RAPH1: variants seen among roughly 807,000 people sequenced by gnomAD.
The protein encoded by RAPH1 is Ras association (RalGDS/AF-6) and pleckstrin homology domains 1.
RAPH1 carries 18 observed loss-of-function variants against 88.1 expected under a neutral mutation model. The ratio of observed to expected loss-of-function variants is 0.20; its 90% CI spans 0.14 to 0.30. The LOEUF is 0.30. Among genes scored for constraint, RAPH1 ranks in the 10% least tolerant of loss-of-function variants. The probability of loss-of-function intolerance (pLI) is 1.00; values close to 1 mark genes in which losing one functional copy is unlikely to be tolerated. For synonymous variants in RAPH1, 587 were observed against 559.0 expected (o/e 1.05, Z -0.71); for missense variants, 1,448 against 1,543.2 (o/e 0.94, Z 1.03).
intron 4 of RAPH1, among the ~76,000 whole-genome samples, chr2:203,475,974 G>A (rs1451009122): frequency 2.0e-5 from 3 of 151,956 alleles, no homozygotes; most frequent in Admixed American, 2.0e-4. Flanking sequence ...TATGTAAGTA[G>A]GTTATATTAT....
intron 1 of RAPH1, among the ~76,000 whole-genome samples, chr2:203,510,721 TAA>T (rs1689299083): frequency 6.6e-6 from 1 of 152,078 alleles, no homozygotes; most frequent in Non-Finnish European, 1.5e-5. Flanking sequence ...TAGAATTTTT[TAA>T]GTTTATTCTG....
intron 10 of RAPH1, among the ~76,000 whole-genome samples, chr2:203,450,915 T>C (rs544342711): frequency 6.6e-6 from 1 of 151,320 alleles, no homozygotes; most frequent in East Asian, 1.9e-4. Context: ...TTTTTTTTAA[T>C]CAAAACAACA....
At chr2:203,490,734 T>C (rs1226875515) in intron 3 of RAPH1, among the ~76,000 whole-genome samples, 4 of 152,122 alleles carry the variant, frequency 2.6e-5, no homozygotes, top group Non-Finnish European at 5.9e-5. Flanking sequence ...GTAATATTAA[T>C]AAAATACACA....
intron 4 of RAPH1, among the ~76,000 whole-genome samples, chr2:203,485,800 A>C (rs1365173209): frequency 6.6e-6 from 1 of 152,070 alleles, no homozygotes; most frequent in African/African-American, 2.4e-5. Flanking sequence ...TACTACTGAC[A>C]TCTAGTGTGT....
chr2:203,481,983 C>A (rs1401915184), intron 4 of RAPH1, among the ~76,000 whole-genome samples: 1 of 148,868 alleles, frequency 6.7e-6, no homozygotes, highest in Non-Finnish European at 1.5e-5. Context: ...CAGACCTAAA[C>A]CTAAAGATGC....
Position 203,489,891 on chromosome 2 carries a change from C to T in RAPH1, c.425G>A (p.Arg142Lys), listed in dbSNP as rs937815320. Residue 142 changes from arginine (R) to lysine (K), a missense_variant, in exon 4 of 14, where the codon AGG becomes AAG. Arg to Lys is a conservative substitution (Grantham distance 26). This residue lies in a region of RAPH1 where 513 missense variants were observed against 653.1 expected (regional missense o/e 0.79). Transcript: ENST00000319170. The part of the protein sequence containing the change: ...TLKGLSSSSN[R>K]IAKPSHASYS... The stretch of plus-strand genomic sequence containing the variant: ...GCTGGCATGGGAAGGTTTAGCTATC[C>T]TATTAGATGAAGAAGATAATCCTTT... The T allele has an allele frequency of 4.3e-6, 7 of 1,614,078 alleles. 1 individual carries two copies. The Admixed American group carries it at 8.3e-5, about 19-fold the overall frequency.
rs1039641494 is a variant in RAPH1 at position 203,438,944 on chromosome 2, C to G, written c.*493G>C. ...CAAACACAAAAGCCTTATAGATACACCAAACATTCTGGTGATTTTTCTCAA... is the reference window on the plus strand; with the variant it reads ...CAAACACAAAAGCCTTATAGATACAGCAAACATTCTGGTGATTTTTCTCAA... On this transcript the variant is annotated 3_prime_UTR_variant, in exon 14 of 14. Transcript: ENST00000319170. 1.5e-4 allele frequency: 23 copies of G among 156,098 alleles called. No homozygotes were observed. Among genetic ancestry groups the G allele is most frequent in the African/African-American group, 5.5e-4 (23 of 41,486 alleles). 9.7% of individuals were successfully genotyped at this position (156,098 alleles called of 1,614,324 possible).
At chr2:203,454,050 T>G (rs1421499289) in intron 10 of RAPH1, among the ~76,000 whole-genome samples, 1 of 152,166 alleles carries the variant, frequency 6.6e-6, no homozygotes, top group Non-Finnish European at 1.5e-5. Context: ...TTGGACACAG[T>G]GCCCTCTGAT....
In RAPH1 at chr2:203,448,193, T is replaced by G; in HGVS notation, c.1513-114A>C. ...ACTGATTGATGGTCTGTATTAAAATTAATACCTATGATAGTTCAAAAATTC... is the reference window on the plus strand; with the variant it reads ...ACTGATTGATGGTCTGTATTAAAATGAATACCTATGATAGTTCAAAAATTC... On this transcript the variant is annotated intron_variant, in intron 11 of 13. Transcript: ENST00000319170. The surrounding 1 kb of genome is among the most constrained non-coding windows in gnomAD (Gnocchi z 4.1). The G allele has an allele frequency of 1.0e-6, 1 of 974,266 alleles. No homozygotes were observed. The allele number at this position is 974,266 out of a possible 1,614,324, so 60.4% of individuals were successfully genotyped here.
rs79411647 is a variant in RAPH1, at chr2:203,531,890, G to A, written c.-1+3221C>T. ...CAATCTAGCAATCCCATTTCTGGGT[G>A]TATAGAAATACTGAAAAAAGAACCG... On this transcript the variant is annotated intron_variant, in intron 1 of 13. Transcript: ENST00000319170. Among the ~76,000 whole-genome samples, 215 of 152,200 alleles carry A rather than the reference G, an allele frequency of 1.4e-3. 1 individual carries two copies. The highest frequency in any genetic ancestry group is 5.0e-3 in the African/African-American group (208 of 41,512).
chr2:203,506,834 ATATC>A (rs1291464863), intron 1 of RAPH1, among the ~76,000 whole-genome samples: 1 of 63,600 alleles, frequency 1.6e-5, no homozygotes, highest in African/African-American at 6.9e-5. Context: ...ATATATATCT[ATATC>A]TATATATCTA....
chr2:203,523,132 G>A (rs926581861), intron 1 of RAPH1, among the ~76,000 whole-genome samples: 8 of 151,948 alleles, frequency 5.3e-5, no homozygotes, highest in African/African-American at 9.7e-5. Flanking sequence ...GGTGGCTCAC[G>A]CCTGTAATCC....
chr2:203,520,064 A>C (rs1277856086), intron 1 of RAPH1, among the ~76,000 whole-genome samples: 2 of 152,190 alleles, frequency 1.3e-5, no homozygotes, highest in African/African-American at 4.8e-5. Flanking sequence ...ACAGTGGCTC[A>C]CACCTGTAAT....
chr2:203,465,772 G>A (rs1291122603), intron 4 of RAPH1, among the ~76,000 whole-genome samples: 1 of 152,160 alleles, frequency 6.6e-6, no homozygotes, highest in Non-Finnish European at 1.5e-5. Context: ...AGCTACTCAG[G>A]AGGCTGAGAA....
intron 12 of RAPH1, chr2:203,446,068 T>C (rs561979072): frequency 6.6e-6 from 1 of 152,350 alleles, no homozygotes; most frequent in South Asian, 2.1e-4. Flanking sequence ...TACTATTAAC[T>C]ACGCTCCACA....
intron 1 of RAPH1, among the ~76,000 whole-genome samples, chr2:203,526,834 G>T (rs1333499489): frequency 2.6e-5 from 4 of 150,972 alleles, no homozygotes; most frequent in African/African-American, 9.8e-5. Flanking sequence ...ACCCAGGCTG[G>T]AGTGCAATGG....
At chr2:203,527,073 C>T (rs1019838760) in intron 1 of RAPH1, among the ~76,000 whole-genome samples, 2 of 152,056 alleles carry the variant, frequency 1.3e-5, no homozygotes, top group African/African-American at 2.4e-5. Flanking sequence ...CGTGAGCCAC[C>T]GTGCTTGGCC....
chr2:203,492,842 G>T (rs570599835), intron 2 of RAPH1, among the ~76,000 whole-genome samples: 1 of 151,380 alleles, frequency 6.6e-6, no homozygotes, highest in South Asian at 2.1e-4. Context: ...CTTTTTAAAG[G>T]GGTTGCTGAG....
chr2:203,451,788 C>A (rs1422075222), intron 10 of RAPH1, among the ~76,000 whole-genome samples: 2 of 152,210 alleles, frequency 1.3e-5, no homozygotes, highest in African/African-American at 4.8e-5. Flanking sequence ...TCACCTATAT[C>A]CCACAGGGTG....
Sources: gnomAD v4.1 joint callset for allele counts (sites outside exome capture counted in the v4.1 genomes callset) on GRCh38, gnomAD v4.1.1 for gene constraint, gnomAD v4.1.1 regional missense constraint, Gnocchi (gnomAD v3.1) non-coding constraint, MANE v1.5 for transcripts, NCBI Gene and HGNC (gene_info 2026-07-23, HGNC 2026-07-21) for gene names.